PARVA: variants seen among roughly 807,000 people sequenced by gnomAD.
PARVA encodes the protein parvin alpha.
In PARVA, 25 loss-of-function variants were observed where a neutral mutation model predicts 52.6. The ratio of observed to expected loss-of-function variants is 0.48; its 90% CI spans 0.35 to 0.66. The LOEUF is 0.66. Ranked by LOEUF, PARVA falls within the 30% of genes least tolerant of loss-of-function variation. PARVA has a pLI of 0.01. For synonymous variants in PARVA, 185 were observed against 179.1 expected (o/e 1.03, Z -0.26); for missense variants, 373 against 450.9 (o/e 0.83, Z 1.56).
intron 1 of PARVA, among the ~76,000 whole-genome samples, chr11:12,391,908 A>G (rs1250348992): frequency 2.0e-5 from 3 of 152,158 alleles, no homozygotes; most frequent in Non-Finnish European, 4.4e-5. Flanking sequence ...GGCATAATTC[A>G]GTGGTCTTTA....
chr11:12,473,608 CG>C (rs1490260878), intron 1 of PARVA, 136 bp from the exon 2 acceptor site: 1 of 673,156 alleles, frequency 1.5e-6, no homozygotes, highest in African/African-American at 1.8e-5. Flanking sequence ...ATGAATTGAT[CG>C]TAGGCTGAGT....
At chr11:12,455,513 T>C (rs1450598974) in intron 1 of PARVA, among the ~76,000 whole-genome samples, 1 of 152,160 alleles carries the variant, frequency 6.6e-6, no homozygotes, top group Non-Finnish European at 1.5e-5. Flanking sequence ...GATATCCTTA[T>C]TGATGCTCAA....
chr11:12,489,938 C>T (rs897239460), intron 4 of PARVA, among the ~76,000 whole-genome samples: 1 of 152,050 alleles, frequency 6.6e-6, no homozygotes, highest in African/African-American at 2.4e-5. Context: ...GAGAGGCAGC[C>T]AGGTGCAGTG....
At chr11:12,470,159 C>A (rs1940914268) in intron 1 of PARVA, among the ~76,000 whole-genome samples, 1 of 152,194 alleles carries the variant, frequency 6.6e-6, no homozygotes, top group Non-Finnish European at 1.5e-5. Flanking sequence ...AAGGTAAAAT[C>A]CTTTGCATCC....
At chr11:12,507,861 A>G (rs1393190688) in intron 6 of PARVA, among the ~76,000 whole-genome samples, 1 of 152,076 alleles carries the variant, frequency 6.6e-6, no homozygotes, top group Non-Finnish European at 1.5e-5. Flanking sequence ...AAACTATATC[A>G]TATACTCCAT....
intron 1 of PARVA, among the ~76,000 whole-genome samples, chr11:12,445,875 G>A (rs1234486797): frequency 1.3e-5 from 2 of 152,224 alleles, no homozygotes; most frequent in East Asian, 1.9e-4. Flanking sequence ...TTTTGACTCA[G>A]AAAATATGGT....
chr11:12,529,929 A>C lies in PARVA; in HGVS notation c.*2004A>C, dbSNP rs1345665911. 6.6e-6 allele frequency: 1 copy of C among 152,244 alleles called. No individual in the cohort carries two copies. Among genetic ancestry groups the C allele is most frequent in the Non-Finnish European group, 1.5e-5 (1 of 68,042 alleles). 9.4% of individuals were successfully genotyped at this position (152,244 alleles called of 1,614,324 possible). On this transcript the variant is annotated 3_prime_UTR_variant, in exon 13 of 13. Transcript: ENST00000334956. ...GTGTAATATTTCTTTTGCTTTTAAA[A>C]AAATTCCTGGTAGCAAATCAAGATA...
At chr11:12,392,560 T>C (rs4757419) in intron 1 of PARVA, among the ~76,000 whole-genome samples, 33,756 of 152,120 alleles carry the variant, frequency 0.22, 4,618 homozygotes, top group African/African-American at 0.38. Context: ...TGAGCCACCA[T>C]ACCCTTCATT....
rs529866610 is a variant in PARVA at position 12,496,466 on chromosome 11, G to A, written c.409G>A (p.Glu137Lys). The change falls in exon 5 of 13, where the codon GAG (glutamate) becomes AAG (lysine). Residue 137 changes from glutamate (E) to lysine (K), a missense_variant. Coordinates refer to ENST00000334956, the MANE Select transcript of PARVA (RefSeq NM_018222.5). ...TCCCTTGTCACCCTCAGAGAAACTGGAGAGTGAGAAGCTAAATGTGGCTGA... is the reference window on the plus strand; with the variant it reads ...TCCCTTGTCACCCTCAGAGAAACTGAAGAGTGAGAAGCTAAATGTGGCTGA... The part of the protein sequence containing the change: ...QVLQKLFEKL[E>K]SEKLNVAEVT... 6.2e-7 allele frequency: 1 copy of A among 1,607,504 alleles called. No individual in the cohort carries two copies. Among genetic ancestry groups the A allele is most frequent in the East Asian group, 2.2e-5 (1 of 44,710 alleles).
Position 12,531,072 on chromosome 11 carries a change from C to T in PARVA, c.*3147C>T, listed in dbSNP as rs1296069560. Among the ~76,000 whole-genome samples the T allele has an allele frequency of 2.0e-5, 3 of 152,136 alleles. No individual in the cohort carries two copies. The highest frequency in any genetic ancestry group is 4.4e-5 in the Non-Finnish European group (3 of 68,028). ...TCATTTTTATATATTACCAGGACTA[C>T]GAATTTGTAATCCACTAAGCATCAC... On this transcript the variant is annotated 3_prime_UTR_variant, in exon 13 of 13. Coordinates refer to ENST00000334956, the MANE Select transcript of PARVA (RefSeq NM_018222.5).
At chr11:12,387,418 GCTT>G (rs1474967014) in intron 1 of PARVA, among the ~76,000 whole-genome samples, 3 of 152,130 alleles carry the variant, frequency 2.0e-5, no homozygotes, top group Non-Finnish European at 4.4e-5. Flanking sequence ...TCCCTAAAAT[GCTT>G]CTTAACTAAC....
At chr11:12,403,519 A>G (rs1939858935) in intron 1 of PARVA, among the ~76,000 whole-genome samples, 1 of 152,258 alleles carries the variant, frequency 6.6e-6, no homozygotes, top group Non-Finnish European at 1.5e-5. Context: ...GTAGCAGGTC[A>G]AATACTTGAG....
chr11:12,517,315 C>T (rs543062560), intron 10 of PARVA, among the ~76,000 whole-genome samples: 2 of 115,906 alleles, frequency 1.7e-5, no homozygotes, highest in African/African-American at 5.8e-5. Flanking sequence ...CACCCCCCAC[C>T]CCCCACCCCC....
intron 1 of PARVA, among the ~76,000 whole-genome samples, chr11:12,441,945 G>T (rs947239976): frequency 6.6e-6 from 1 of 152,224 alleles, no homozygotes; most frequent in African/African-American, 2.4e-5. Context: ...TGGTAAGTTG[G>T]GGGGAGTTGA....
chr11:12,458,860 G>A (rs1337845322), intron 1 of PARVA, among the ~76,000 whole-genome samples: 5 of 152,224 alleles, frequency 3.3e-5, no homozygotes, highest in Non-Finnish European at 5.9e-5. Context: ...ACTTTCTGCA[G>A]TTTCTCAGAG....
At position 12,531,441 on chromosome 11, in the gene PARVA, C is replaced by G. The variant is rs1941771038; in HGVS notation, c.*3516C>G. 1.3e-5 allele frequency among the ~76,000 whole-genome samples: 2 copies of G among 152,170 alleles called. No homozygotes were observed. Among genetic ancestry groups the G allele is most frequent in the South Asian group, 2.1e-4 (1 of 4,832 alleles). ...GCTGTAATTTTTCAATAACTAGACT[C>G]TGAGACATGTATACATTGTGGTTCA... On this transcript the variant is annotated 3_prime_UTR_variant, in exon 13 of 13. Transcript: ENST00000334956.
At chr11:12,482,057 A>G (rs960520184) in intron 4 of PARVA, among the ~76,000 whole-genome samples, 1 of 151,728 alleles carries the variant, frequency 6.6e-6, no homozygotes, top group Non-Finnish European at 1.5e-5. Flanking sequence ...TTGCGAGGCT[A>G]AGACAGGAGA....
At chr11:12,399,140 C>T (rs1242639910) in intron 1 of PARVA, among the ~76,000 whole-genome samples, 9 of 152,118 alleles carry the variant, frequency 5.9e-5, no homozygotes, top group Admixed American at 2.6e-4. Context: ...GTCATTCTGC[C>T]GCTCAGTATA....
At chr11:12,444,973 C>T (rs1940524995) in intron 1 of PARVA, among the ~76,000 whole-genome samples, 1 of 152,118 alleles carries the variant, frequency 6.6e-6, no homozygotes, top group Non-Finnish European at 1.5e-5. Context: ...AAAGAAGGGG[C>T]TGGCAAAGTA....
Sources: allele counts gnomAD v4.1 joint callset (sites outside exome capture counted in the v4.1 genomes callset), GRCh38; gene constraint gnomAD v4.1.1; transcripts MANE v1.5; gene names NCBI Gene and HGNC (gene_info 2026-07-23, HGNC 2026-07-21).